The following STK38 variants were observed in gnomAD, a reference collection of about 807,000 sequenced individuals.
STK38 encodes serine/threonine kinase 38.
STK38 carries 26 observed loss-of-function variants against 59.0 expected under a neutral mutation model. That is an observed-to-expected ratio of 0.44 (90% CI 0.32 to 0.61). The LOEUF (loss-of-function observed/expected upper bound fraction) is 0.61. STK38 is among the 20% of genes least tolerant of loss of function. The pLI is 0.04. For synonymous variants in STK38, 175 were observed against 176.6 expected (o/e 0.99, Z 0.07); for missense variants, 433 against 566.0 (o/e 0.76, Z 2.38).
At chr6:36,507,425 T>C (rs1776994030) in intron 8 of STK38, 75 bp downstream of exon 8, 1 of 1,209,736 alleles carries the variant, frequency 8.3e-7, no homozygotes. Flanking sequence ...CTATCTGTTC[T>C]AATTTGGTTA....
chr6:36,515,514 G>A, intron 6 of STK38, 22 bp from the exon 7 acceptor site: 1 of 1,582,170 alleles, frequency 6.3e-7, no homozygotes, highest in Non-Finnish European at 8.6e-7. Flanking sequence ...AAGATACAAA[G>A]CCACCACACA....
At position 36,506,633 on chromosome 6, in the gene STK38, T is replaced by C; in HGVS notation, c.784A>G (p.Met262Val). ...GTTTCTGCTTTCCTTTTGGAATTCA[T>C]GTTCTGGAAAGCTGAAAGTAAAGAA... is the stretch of plus-strand genomic sequence containing the variant. The part of the protein sequence containing the change: ...SLPSDFTFQN[M>V]NSKRKAETWK... The change falls in exon 9 of 14, where the codon ATG becomes GTG. Residue 262 changes from methionine to valine, a missense_variant. Physicochemically the swap from Met to Val is conservative, Grantham distance 21 (BLOSUM62 1). Around this residue, in one of 3 missense-constraint regions of STK38, gnomAD observed 293 missense variants for 388.2 expected, o/e 0.75. Coordinates refer to ENST00000229812, the MANE Select transcript of STK38 (RefSeq NM_007271.4). The C allele has an allele frequency of 6.2e-7, 1 of 1,613,346 alleles. No individual in the cohort carries two copies. Among genetic ancestry groups the C allele is most frequent in the Non-Finnish European group, 8.5e-7 (1 of 1,179,804 alleles).
rs1222381811 is a variant in STK38, at chr6:36,495,933, TGA to T, written c.1268-21_1268-20del. ...GTGGCCACTGGGAAAGAAATAGATG[TGA>T]GAGTTGATTCACTGCCTTGCCTCCA... is the stretch of plus-strand genomic sequence containing the variant. On this transcript the variant is annotated intron_variant, in intron 13 of 13. Coordinates refer to ENST00000229812, the MANE Select transcript of STK38 (RefSeq NM_007271.4). 1.2e-6 allele frequency: 2 copies of T among 1,613,508 alleles called. No individual in the cohort carries two copies. Among genetic ancestry groups the T allele is most frequent in the Non-Finnish European group, 8.5e-7 (1 of 1,179,714 alleles).
intron 1 of STK38, among the ~76,000 whole-genome samples, chr6:36,543,457 A>G (rs376186662): frequency 2.6e-5 from 4 of 152,118 alleles, no homozygotes; most frequent in African/African-American, 9.7e-5. Flanking sequence ...AGTAAAAATT[A>G]GGAGAGGCTG....
Position 36,494,309 on chromosome 6 carries a change from A to G in STK38, c.*1475T>C, listed in dbSNP as rs978345416. The G allele has an allele frequency of 1.3e-5, 2 of 152,666 alleles. No individual in the cohort carries two copies. The highest frequency in any genetic ancestry group is 2.9e-5 in the Non-Finnish European group (2 of 68,054). 9.5% of individuals were successfully genotyped at this position (152,666 alleles called of 1,614,324 possible). ...TAAGCTAGGACATACTTTCCTTTCA[A>G]AGCTGATCTTCAGAACCTCAAGACT... On this transcript the variant is annotated 3_prime_UTR_variant, in exon 14 of 14. Coordinates refer to ENST00000229812, the MANE Select transcript of STK38 (RefSeq NM_007271.4).
chr6:36,495,480 T>C lies in STK38; in HGVS notation c.*304A>G. 3.4e-6 allele frequency: 1 copy of C among 289,926 alleles called. No individual in the cohort carries two copies. Among genetic ancestry groups the C allele is most frequent in the Non-Finnish European group, 6.7e-6 (1 of 149,988 alleles). The allele number at this position is 289,926 out of a possible 1,614,324, so 18.0% of individuals were successfully genotyped here. ...TGTTGGATGATGGCTGTTTTTCCCC[T>C]TCATTCTGATGAACTTAGGAAAACT... On this transcript the variant is annotated 3_prime_UTR_variant, in exon 14 of 14. Transcript: ENST00000229812.
At chr6:36,534,018 CACTT>C (rs1469526218) in intron 2 of STK38, among the ~76,000 whole-genome samples, 3 of 152,136 alleles carry the variant, frequency 2.0e-5, no homozygotes, top group Non-Finnish European at 2.9e-5. Flanking sequence ...TGTAAATTAT[CACTT>C]ACACCCTCAT....
rs748506318 is a variant in STK38 at position 36,497,886 on chromosome 6, CAG to C, written c.1077-13_1077-12del. ...CATTCACAGCAGAACCTGGAAAAGACAGAGGCCTTTCAGCACATCTCAAGCAG... is the reference window on the plus strand; with the variant it reads ...CATTCACAGCAGAACCTGGAAAAGACAGGCCTTTCAGCACATCTCAAGCAG... On this transcript the variant is annotated splice_polypyrimidine_tract_variant and intron_variant, in intron 11 of 13. Coordinates refer to ENST00000229812, the MANE Select transcript of STK38 (RefSeq NM_007271.4). 6 of 1,594,018 alleles carry C rather than the reference CAG, an allele frequency of 3.8e-6. No individual in the cohort carries two copies. The highest frequency in any genetic ancestry group is 3.4e-5 in the South Asian group (3 of 88,870).
In STK38 at chr6:36,496,825, C is replaced by CA. The variant is rs1215942149; in HGVS notation, c.1173-21dup. The CA allele has an allele frequency of 6.4e-7, 1 of 1,560,360 alleles. No individual in the cohort carries two copies. Among genetic ancestry groups the CA allele is most frequent in the Non-Finnish European group, 8.8e-7 (1 of 1,135,252 alleles). ...CTCTCTCTGCCAAGAATACACATGC[C>CA]AAAAATTACTAAGTTAGTAATCAAA... On this transcript the variant is annotated intron_variant, in intron 12 of 13. Transcript: ENST00000229812.
At chr6:36,519,351 C>T (rs1777329092) in intron 5 of STK38, among the ~76,000 whole-genome samples, 1 of 152,118 alleles carries the variant, frequency 6.6e-6, no homozygotes, top group Admixed American at 6.6e-5. Flanking sequence ...GCTTGCTGCC[C>T]CACAGCCATG....
intron 7 of STK38, among the ~76,000 whole-genome samples, chr6:36,507,813 T>C (rs1232759047): frequency 6.6e-6 from 1 of 152,218 alleles, no homozygotes. Context: ...CTGCATATCA[T>C]CTTTGGTTTT....
At position 36,514,533 on chromosome 6, in the gene STK38, A is replaced by G. The variant is rs545882847; in HGVS notation, c.669+805T>C. On this transcript the variant is annotated intron_variant, in intron 7 of 13. Coordinates refer to ENST00000229812, the MANE Select transcript of STK38 (RefSeq NM_007271.4). ...CTAGATCAGTATTTTCACTTTACGG[A>G]TAAGAACAGTGAGATCCAGGTGGTA... Among the ~76,000 whole-genome samples the G allele has an allele frequency of 1.7e-3, 253 of 148,702 alleles. 2 individuals are homozygous for G. Among genetic ancestry groups the G allele is most frequent in the Non-Finnish European group, 2.1e-3 (136 of 65,768 alleles).
At chr6:36,514,842 T>A (rs1777209907) in intron 7 of STK38, among the ~76,000 whole-genome samples, 1 of 116,900 alleles carries the variant, frequency 8.6e-6, no homozygotes, top group Admixed American at 8.9e-5. Flanking sequence ...GGGTGAGACT[T>A]CATCTCAAAA....
chr6:36,515,182 A>G (rs886433219), intron 7 of STK38, among the ~76,000 whole-genome samples, 156 bp downstream of exon 7: 1 of 152,102 alleles, frequency 6.6e-6, no homozygotes, highest in African/African-American at 2.4e-5. Flanking sequence ...AGAGAAAGGA[A>G]GTGACAGCAA....
intron 2 of STK38, among the ~76,000 whole-genome samples, chr6:36,534,705 C>T (rs1313449209): frequency 1.3e-5 from 2 of 151,864 alleles, no homozygotes; most frequent in East Asian, 3.9e-4. Flanking sequence ...AAGGAAACTG[C>T]CTCAACCTAT....
intron 1 of STK38, among the ~76,000 whole-genome samples, chr6:36,543,069 A>ATTT (rs918419637): frequency 6.8e-6 from 1 of 146,036 alleles, no homozygotes. Flanking sequence ...ATAGCGCTCA[A>ATTT]TTTTTTTTTT....
chr6:36,534,962 G>A (rs966156565), intron 2 of STK38, among the ~76,000 whole-genome samples: 1 of 151,258 alleles, frequency 6.6e-6, no homozygotes, highest in Non-Finnish European at 1.5e-5. Context: ...AGACTAATTA[G>A]AAAGTTACAG....
At chr6:36,497,215 A>C (rs1561970042) in intron 12 of STK38, among the ~76,000 whole-genome samples, 1 of 152,202 alleles carries the variant, frequency 6.6e-6, no homozygotes, top group Admixed American at 6.5e-5. Flanking sequence ...ACAAGCAGCA[A>C]ATCAGTACAC....
intron 4 of STK38, 43 bp downstream of exon 4, chr6:36,524,298 T>G: frequency 6.3e-7 from 1 of 1,585,028 alleles, no homozygotes; most frequent in African/African-American, 1.4e-5. Context: ...AGCTTTGAAG[T>G]TTTGCAATAT....
Sources: allele counts gnomAD v4.1 joint callset (sites outside exome capture counted in the v4.1 genomes callset), GRCh38; gene constraint gnomAD v4.1.1; regional missense constraint gnomAD v4.1.1; transcripts MANE v1.5; gene names NCBI Gene and HGNC (gene_info 2026-07-23, HGNC 2026-07-21).